SERPINA5: variants seen among roughly 807,000 people sequenced by gnomAD.
SERPINA5 encodes the protein serpin family A member 5.
Under a neutral mutation model 25.3 loss-of-function variants are expected in SERPINA5, and 25 were observed. The ratio of observed to expected loss-of-function variants is 0.99; its 90% CI spans 0.72 to 1.38. SERPINA5 has a LOEUF of 1.38. Ranked by LOEUF, SERPINA5 falls within the 40% of genes most tolerant of loss-of-function variation. SERPINA5 has a pLI of 0.00. For missense variants in SERPINA5, 599 were observed against 509.5 expected (o/e 1.18, Z -1.69); for synonymous variants, 234 against 206.2 (o/e 1.14, Z -1.16).
Position 94,587,409 on chromosome 14 carries a change from G to A in SERPINA5, c.47G>A (p.Gly16Glu). Residue 16 changes from glycine (G) to glutamate (E), a missense_variant, in exon 3 of 6, where the codon GGG becomes GAG. Coordinates refer to ENST00000329597, the MANE Select transcript of SERPINA5 (RefSeq NM_000624.6). ...LLCLVLLSPQ[G>E]ASLHRHHPRE... ...TGCCTGGTGCTTCTCAGCCCTCAGG[G>A]GGCCTCCCTTCACCGCCACCACCCC... 1 of 1,613,656 alleles carries A rather than the reference G, an allele frequency of 6.2e-7. No individual in the cohort carries two copies. The highest frequency in any genetic ancestry group is 8.5e-7 in the Non-Finnish European group (1 of 1,179,834).
At chr14:94,587,064 T>C in intron 2 of SERPINA5, 1 of 370,308 alleles carries the variant, frequency 2.7e-6, no homozygotes, top group East Asian at 5.0e-5. Context: ...AATGTGTCCC[T>C]TGATGTGGAT....
In SERPINA5 at chr14:94,587,486, C is replaced by T. The variant is rs1193907513; in HGVS notation, c.124C>T (p.Pro42Ser). 1 of 1,614,174 alleles carries T rather than the reference C, an allele frequency of 6.2e-7. No homozygotes were observed. Among genetic ancestry groups the T allele is most frequent in the South Asian group, 1.1e-5 (1 of 91,082 alleles). ...EDLHVGATVA[P>S]SSRRDFTFDL... ...CCTCCATGTAGGTGCCACGGTGGCC[C>T]CCAGCAGCAGAAGGGACTTTACCTT... Residue 42 changes from proline (P) to serine (S), a missense_variant, in exon 3 of 6, where the codon CCC becomes TCC. Coordinates refer to ENST00000329597, the MANE Select transcript of SERPINA5 (RefSeq NM_000624.6).
At chr14:94,584,723 A>C (rs1164834085) in intron 2 of SERPINA5, among the ~76,000 whole-genome samples, 1 of 152,158 alleles carries the variant, frequency 6.6e-6, no homozygotes, top group Non-Finnish European at 1.5e-5. Context: ...GGCTGTATCC[A>C]ATAAGGAAAC....
In SERPINA5 at chr14:94,587,345, G is replaced by T; in HGVS notation, c.-17-1G>T. On this transcript the variant is annotated splice_acceptor_variant, in intron 2 of 5. Coordinates refer to ENST00000329597, the MANE Select transcript of SERPINA5 (RefSeq NM_000624.6). LOFTEE classifies it low-confidence loss of function (5UTR_SPLICE). ...CTGAGGACACCTTCTTTCCCTTTCA[G>T]AACAAAGAACAGCCACCATGCAGCT... 1 of 1,582,480 alleles carries T rather than the reference G, an allele frequency of 6.3e-7. No homozygotes were observed. The highest frequency in any genetic ancestry group is 8.6e-7 in the Non-Finnish European group (1 of 1,167,442).
chr14:94,590,496 G>A, intron 4 of SERPINA5, 185 bp downstream of exon 4: 1 of 881,462 alleles, frequency 1.1e-6, no homozygotes, highest in Non-Finnish European at 1.7e-6. Flanking sequence ...GACAAGAGCT[G>A]GAAACTGGGT....
chr14:94,587,796 T>C lies in SERPINA5; in HGVS notation c.434T>C (p.Phe145Ser), dbSNP rs1885146006. 3.7e-6 allele frequency: 6 copies of C among 1,614,196 alleles called. No individual in the cohort carries two copies. The highest frequency in any genetic ancestry group is 5.1e-6 in the Non-Finnish European group (6 of 1,180,042). Residue 145 changes from phenylalanine (F) to serine (S), a missense_variant, in exon 3 of 6, where the codon TTC becomes TCC. Transcript: ENST00000329597. ...TDLVVDLQDT[F>S]VSAMKTLYLA... ...CTGGTGGTAGACCTGCAGGACACCT[T>C]CGTAAGTGCCATGAAGACGCTGTAC...
intron 5 of SERPINA5, among the ~76,000 whole-genome samples, chr14:94,591,600 T>TTCTATTCTAG (rs1885303232): frequency 6.9e-6 from 1 of 145,836 alleles, no homozygotes; most frequent in East Asian, 2.0e-4. Flanking sequence ...TTCTATTCTA[T>TTCTATTCTAG]TCTATTCTAT....
rs371714341 is a variant in SERPINA5 at position 94,592,817 on chromosome 14, T to C, written c.*578T>C. On this transcript the variant is annotated 3_prime_UTR_variant, in exon 6 of 6. Transcript: ENST00000329597. ...CTGTATACAAGGATCAGATTCTTGC[T>C]GTGACCCAAGAACTCCTGAAATCAT... 11 of 152,312 alleles carry C rather than the reference T, an allele frequency of 7.2e-5. No individual in the cohort carries two copies. The highest frequency in any genetic ancestry group is 2.7e-4 in the African/African-American group (11 of 41,454). 9.4% of individuals were successfully genotyped at this position (152,312 alleles called of 1,614,324 possible). A position where few individuals can be genotyped will look rare whatever the true frequency, so the allele number is the denominator to read the frequency against.
chr14:94,592,415 G>A lies in SERPINA5; in HGVS notation c.*176G>A. ...CCACCCACACGACTGCAACATACAG[G>A]TGCCTTGGGGAAATGTGGAGAACAT... On this transcript the variant is annotated 3_prime_UTR_variant, in exon 6 of 6. Transcript: ENST00000329597. The A allele has an allele frequency of 1.6e-6, 1 of 613,126 alleles. No individual in the cohort carries two copies. Among genetic ancestry groups the A allele is most frequent in the South Asian group, 2.4e-5 (1 of 42,164 alleles). 38.0% of individuals were successfully genotyped at this position (613,126 alleles called of 1,614,324 possible).
rs6108 is a variant in SERPINA5 at position 94,592,294 on chromosome 14, A to T, written c.*55A>T. On this transcript the variant is annotated 3_prime_UTR_variant, in exon 6 of 6. Transcript: ENST00000329597. ...TCAGGGTGGGAGATGAAGGGGGCTAAGCTATGGCCCATCTGTATGCTGGTA... is the reference window on the plus strand; with the variant it reads ...TCAGGGTGGGAGATGAAGGGGGCTATGCTATGGCCCATCTGTATGCTGGTA... The T allele has an allele frequency of 0.58, 896,204 of 1,541,058 alleles. 268,504 individuals are homozygous for T. The highest frequency in any genetic ancestry group is 0.72 in the Middle Eastern group (4,150 of 5,764).
intron 5 of SERPINA5, among the ~76,000 whole-genome samples, chr14:94,591,801 C>T (rs1885311924): frequency 6.6e-6 from 1 of 152,164 alleles, no homozygotes; most frequent in Admixed American, 6.5e-5. Flanking sequence ...AGCTTCCTTT[C>T]TCTCTTCTAT....
intron 4 of SERPINA5, 150 bp from the exon 5 acceptor site, chr14:94,590,599 A>G (rs1014710365): frequency 1.1e-6 from 1 of 947,826 alleles, no homozygotes; most frequent in East Asian, 2.7e-5. Flanking sequence ...AAGAGGCCAG[A>G]GGAGCCATAA....
chr14:94,587,798 G>T lies in SERPINA5; in HGVS notation c.436G>T (p.Val146Leu), dbSNP rs748352741. The part of the protein sequence containing the change: ...DLVVDLQDTF[V>L]SAMKTLYLAD... ...GGTGGTAGACCTGCAGGACACCTTC[G>T]TAAGTGCCATGAAGACGCTGTACCT... is the stretch of plus-strand genomic sequence containing the variant. The change falls in exon 3 of 6, where the codon GTA becomes TTA. Residue 146 changes from valine (V) to leucine (L), a missense_variant. Physicochemically the swap from Val to Leu is conservative, Grantham distance 32. Transcript: ENST00000329597. The T allele has an allele frequency of 2.5e-6, 4 of 1,614,088 alleles. No homozygotes were observed. Among genetic ancestry groups the T allele is most frequent in the Non-Finnish European group, 3.4e-6 (4 of 1,180,050 alleles).
At position 94,587,983 on chromosome 14, in the gene SERPINA5, T is replaced by C. The variant is rs1490425264; in HGVS notation, c.619+2T>C. The C allele has an allele frequency of 6.2e-7, 1 of 1,611,364 alleles. No homozygotes were observed. The highest frequency in any genetic ancestry group is 1.1e-5 in the South Asian group (1 of 90,740). Reference sequence around the variant, plus strand: ...TGGTGAATTACATCTTCTTTAAAGGTAAGGCCCTTGGGCCCAAACCTGCAC... The same window carrying C: ...TGGTGAATTACATCTTCTTTAAAGGCAAGGCCCTTGGGCCCAAACCTGCAC... On this transcript the variant is annotated splice_donor_variant, in intron 3 of 5. Coordinates refer to ENST00000329597, the MANE Select transcript of SERPINA5 (RefSeq NM_000624.6). LOFTEE classifies it high-confidence loss of function.
At chr14:94,582,623 A>G (rs951875954) in intron 2 of SERPINA5, among the ~76,000 whole-genome samples, 41 of 149,268 alleles carry the variant, frequency 2.7e-4, no homozygotes, top group African/African-American at 1.0e-3. Flanking sequence ...TTGCAGTCTA[A>G]TGTCTCTGAA....
intron 5 of SERPINA5, among the ~76,000 whole-genome samples, chr14:94,591,673 A>T (rs755548611): frequency 8.6e-5 from 13 of 151,008 alleles, no homozygotes; most frequent in Non-Finnish European, 1.8e-4. Context: ...CTTATCCTTC[A>T]TGTAATGGGA....
At chr14:94,583,271 GA>G (rs1884972136) in intron 2 of SERPINA5, among the ~76,000 whole-genome samples, 1 of 152,212 alleles carries the variant, frequency 6.6e-6, no homozygotes, top group South Asian at 2.1e-4. Context: ...TCAGGGCAAA[GA>G]AAGGAAGCTA....
intron 2 of SERPINA5, 21 bp from the exon 3 acceptor site, chr14:94,587,325 G>A (rs547328694): frequency 6.4e-6 from 10 of 1,554,892 alleles, no homozygotes; most frequent in South Asian, 1.2e-5. Context: ...CCTCTCTGAG[G>A]ACACCTTCTT....
chr14:94,591,079 C>T (rs1359285904), intron 5 of SERPINA5, among the ~76,000 whole-genome samples, 183 bp downstream of exon 5: 5 of 148,960 alleles, frequency 3.4e-5, no homozygotes, highest in Non-Finnish European at 7.4e-5. Flanking sequence ...CAATTCCACT[C>T]CACTCCACTC....
Sources: allele counts gnomAD v4.1 joint callset (sites outside exome capture counted in the v4.1 genomes callset), GRCh38; gene constraint gnomAD v4.1.1; transcripts MANE v1.5; gene names NCBI Gene and HGNC (gene_info 2026-07-23, HGNC 2026-07-21).